Variants in KIR2DL3 observed in about 807,000 individuals in gnomAD.
KIR2DL3 encodes killer cell immunoglobulin like receptor, two Ig domains and long cytoplasmic tail 3.
KIR2DL3 carries 39 observed loss-of-function variants against 33.8 expected under a neutral mutation model. The observed-to-expected ratio is 1.15, with a 90% CI of 0.89 to 1.51. The LOEUF is 1.51. Ranked by LOEUF, KIR2DL3 falls within the 40% of genes most tolerant of loss-of-function variation. KIR2DL3 has a pLI of 0.00. For missense variants in KIR2DL3, 462 were observed against 426.2 expected (o/e 1.08, Z -0.74); for synonymous variants, 174 against 160.2 (o/e 1.09, Z -0.65).
intron 6 of KIR2DL3, among the ~76,000 whole-genome samples, 190 bp from the exon 7 acceptor site, chr19:54,752,026 A>C (rs377681918): frequency 3.0e-5 from 4 of 134,936 alleles, no homozygotes; most frequent in Non-Finnish European, 3.3e-5. Context: ...GACAGAATCA[A>C]TGGGATGGGA....
At chr19:54,739,174 G>A (rs1480510891) in intron 1 of KIR2DL3, among the ~76,000 whole-genome samples, 2 of 151,462 alleles carry the variant, frequency 1.3e-5, no homozygotes, top group African/African-American at 2.4e-5. Flanking sequence ...GGAGATATGG[G>A]CTTAGGGTGG....
intron 4 of KIR2DL3, among the ~76,000 whole-genome samples, chr19:54,744,680 C>G (rs1473976511): frequency 6.6e-6 from 1 of 150,608 alleles, no homozygotes; most frequent in Non-Finnish European, 1.5e-5. Context: ...GCGCGCACCA[C>G]CACGCCAGGC....
intron 2 of KIR2DL3, among the ~76,000 whole-genome samples, chr19:54,741,615 A>G (rs2071129758): frequency 6.6e-6 from 1 of 151,926 alleles, no homozygotes; most frequent in South Asian, 2.1e-4. Flanking sequence ...AAGGATTGCA[A>G]TTCATCCAAA....
chr19:54,743,578 G>A (rs1263057785), intron 3 of KIR2DL3, among the ~76,000 whole-genome samples: 4 of 151,924 alleles, frequency 2.6e-5, no homozygotes, highest in East Asian at 1.9e-4. Flanking sequence ...ATCCAAAAAG[G>A]GAAAACATAT....
At chr19:54,746,769 G>A (rs2072558685) in intron 4 of KIR2DL3, among the ~76,000 whole-genome samples, 1 of 150,026 alleles carries the variant, frequency 6.7e-6, no homozygotes, top group East Asian at 1.9e-4. Context: ...GATCACCTGA[G>A]GCCAGGAGTT....
chr19:54,738,691 C>A (rs1365199489), intron 1 of KIR2DL3, 112 bp downstream of exon 1: 1 of 1,569,060 alleles, frequency 6.4e-7, no homozygotes, highest in South Asian at 1.1e-5. Context: ...GAGTGATGGG[C>A]CTAGAAGTGG....
intron 1 of KIR2DL3, among the ~76,000 whole-genome samples, chr19:54,738,894 GA>G (rs2070350801): frequency 6.7e-6 from 1 of 148,610 alleles, no homozygotes; most frequent in Non-Finnish European, 1.5e-5. Flanking sequence ...GCCTGGAGTG[GA>G]GATATGGGCC....
Position 54,752,654 on chromosome 19 carries a change from C to T in KIR2DL3, c.*135C>T. ...GCTGGAATCTGAAGGCGTGAGTCTG[C>T]ATCTTAGGGCATCGCTCTTCCTCAC... On this transcript the variant is annotated 3_prime_UTR_variant, in exon 8 of 8. Coordinates refer to ENST00000342376, the MANE Select transcript of KIR2DL3 (RefSeq NM_015868.3). 1 of 1,172,508 alleles carries T rather than the reference C, an allele frequency of 8.5e-7. No individual in the cohort carries two copies. The highest frequency in any genetic ancestry group is 2.3e-5 in the East Asian group (1 of 43,196). 72.6% of individuals were successfully genotyped at this position (1,172,508 alleles called of 1,614,324 possible). A position where few individuals can be genotyped will look rare whatever the true frequency, so the allele number is the denominator to read the frequency against.
chr19:54,746,185 A>T (rs767880467), intron 4 of KIR2DL3, among the ~76,000 whole-genome samples: 3,609 of 102,716 alleles, frequency 0.035, 242 homozygotes, highest in African/African-American at 0.066. Context: ...TGATGAGTGA[A>T]ACTGAGCACT....
At chr19:54,748,040 G>T (rs1186626611) in intron 5 of KIR2DL3, among the ~76,000 whole-genome samples, 1 of 151,814 alleles carries the variant, frequency 6.6e-6, no homozygotes, top group Admixed American at 6.6e-5. Flanking sequence ...CTAAAATCAA[G>T]GTGACAGCAA....
In KIR2DL3 at chr19:54,742,675, G is replaced by A. The variant is rs190970354; in HGVS notation, c.370+396G>A. Among the ~76,000 whole-genome samples the A allele has an allele frequency of 2.0e-5, 3 of 150,554 alleles. No homozygotes were observed. In the East Asian group the frequency reaches 5.8e-4, roughly 29 times the overall value. The stretch of plus-strand genomic sequence containing the variant: ...GACACCCATATTTATGACCTGAGTT[G>A]GGCCCTGTGGCCTCAGGCCTTGTGG... On this transcript the variant is annotated intron_variant, in intron 3 of 7. Coordinates refer to ENST00000342376, the MANE Select transcript of KIR2DL3 (RefSeq NM_015868.3).
chr19:54,743,321 A>G (rs1600352287), intron 3 of KIR2DL3, among the ~76,000 whole-genome samples: 1 of 152,260 alleles, frequency 6.6e-6, no homozygotes, highest in East Asian at 1.9e-4. Flanking sequence ...GAGAGAGATG[A>G]TACATACATA....
chr19:54,744,921 CATATATATAT>C (rs1177112432), intron 4 of KIR2DL3, among the ~76,000 whole-genome samples: 2 of 25,252 alleles, frequency 7.9e-5, no homozygotes, highest in Admixed American at 6.7e-4. Flanking sequence ...CATATATAAA[CATATATATAT>C]ATATATATAT....
chr19:54,747,486 G>T (rs530183821), intron 5 of KIR2DL3, 101 bp downstream of exon 5: 1 of 1,289,634 alleles, frequency 7.8e-7, no homozygotes, highest in Middle Eastern at 2.0e-4. Context: ...GACATTGTAC[G>T]CCTGTCTTCT....
At chr19:54,747,987 C>G (rs150120121) in intron 5 of KIR2DL3, among the ~76,000 whole-genome samples, 2,276 of 152,226 alleles carry the variant, frequency 0.015, 17 homozygotes, top group South Asian at 0.035. Flanking sequence ...TTTTAATTAT[C>G]TTACAGTGCT....
intron 5 of KIR2DL3, among the ~76,000 whole-genome samples, chr19:54,748,047 G>A (rs1258214605): frequency 1.3e-5 from 2 of 151,782 alleles, no homozygotes; most frequent in South Asian, 2.1e-4. Context: ...CAAGGTGACA[G>A]CAAGGCTGCC....
At chr19:54,744,576 G>C (rs1555904788) in intron 4 of KIR2DL3, among the ~76,000 whole-genome samples, 13,892 of 121,144 alleles carry the variant, frequency 0.11, 1 homozygote, top group South Asian at 0.16. Flanking sequence ...CCCTATGCTG[G>C]AGTGCAGTGG....
intron 4 of KIR2DL3, among the ~76,000 whole-genome samples, chr19:54,746,950 C>A (rs1252434154): frequency 1.4e-5 from 2 of 146,490 alleles, no homozygotes; most frequent in Admixed American, 7.1e-5. Flanking sequence ...CCTCTGCACT[C>A]CAGCCTGGGT....
intron 5 of KIR2DL3, among the ~76,000 whole-genome samples, chr19:54,750,815 A>G (rs1210918407): frequency 7.4e-6 from 1 of 134,864 alleles, no homozygotes; most frequent in Non-Finnish European, 1.6e-5. Flanking sequence ...AGGCTCAGAA[A>G]AGCTACTCGG....
Sources: gnomAD v4.1 joint callset for allele counts (sites outside exome capture counted in the v4.1 genomes callset) on GRCh38, gnomAD v4.1.1 for gene constraint, MANE v1.5 for transcripts, NCBI Gene and HGNC (gene_info 2026-07-23, HGNC 2026-07-21) for gene names.